The following BBIP1 variants were observed in gnomAD, a reference collection of about 807,000 sequenced individuals.
BBIP1 encodes the protein BBSome interacting protein 1.
Under a neutral mutation model 8.9 loss-of-function variants are expected in BBIP1, and 6 were observed. The ratio of observed to expected loss-of-function variants is 0.67; its 90% CI spans 0.37 to 1.33. The LOEUF is 1.33. Among genes scored for constraint, BBIP1 ranks in the 40% most tolerant of loss-of-function variants. The probability of loss-of-function intolerance (pLI) is 0.02; values close to 1 mark genes in which losing one functional copy is unlikely to be tolerated. For missense variants in BBIP1, 111 were observed against 109.2 expected (o/e 1.02, Z -0.07); for synonymous variants, 32 against 33.4 (o/e 0.96, Z 0.14).
At chr10:110,915,380 C>T (rs1846378462) in intron 2 of BBIP1, among the ~76,000 whole-genome samples, 1 of 152,046 alleles carries the variant, frequency 6.6e-6, no homozygotes, top group Non-Finnish European at 1.5e-5. Flanking sequence ...TCTCAAACTC[C>T]TGGGCTCAAG....
intron 2 of BBIP1, among the ~76,000 whole-genome samples, chr10:110,917,065 G>A (rs1846422507): frequency 6.6e-6 from 1 of 151,676 alleles, no homozygotes; most frequent in Non-Finnish European, 1.5e-5. Context: ...TTTACAAGAA[G>A]AAAAAAGAGG....
rs192379554 is a variant in BBIP1, at chr10:110,918,349, A to G, written c.-56-136T>C. The G allele has an allele frequency of 7.0e-4, 401 of 572,030 alleles. 1 individual carries two copies. The highest frequency in any genetic ancestry group is 7.0e-3 in the African/African-American group (369 of 52,728). The allele number at this position is 572,030 out of a possible 1,614,324, so 35.4% of individuals were successfully genotyped here. On this transcript the variant is annotated intron_variant, in intron 1 of 3. Transcript: ENST00000448814. ...CACCAGAACCGCAGTCAAAGCTTACAAAGACTCAAAGGAGAGACGCGGAAA... is the reference window on the plus strand; with the variant it reads ...CACCAGAACCGCAGTCAAAGCTTACGAAGACTCAAAGGAGAGACGCGGAAA...
rs922272308 is a variant in BBIP1, at chr10:110,910,120, TGAA to T, written c.37+7998_37+8000del. On this transcript the variant is annotated intron_variant, in intron 2 of 3. Transcript: ENST00000448814. ...AGGATAGGGGACAACGGGTGGTCTC[TGAA>T]GAAGAATTATTAAACATGACATTGG... is the stretch of plus-strand genomic sequence containing the variant. 5.3e-5 allele frequency among the ~76,000 whole-genome samples: 8 copies of T among 152,320 alleles called. No homozygotes were observed. In the East Asian group the frequency reaches 1.5e-3, roughly 29 times the overall value.
chr10:110,900,594 G>T, intron 3 of BBIP1, 68 bp from the exon 4 acceptor site: 2 of 1,305,822 alleles, frequency 1.5e-6, no homozygotes, highest in Non-Finnish European at 2.0e-6. Context: ...TGGATTTGCA[G>T]CTAGAATGAA....
intron 2 of BBIP1, chr10:110,907,107 G>A (rs1252273652): frequency 6.6e-6 from 1 of 152,218 alleles, no homozygotes; most frequent in East Asian, 1.9e-4. Flanking sequence ...TGAGTTACCA[G>A]TGTTTCCTTG....
intron 2 of BBIP1, among the ~76,000 whole-genome samples, chr10:110,910,276 G>A (rs546118441): frequency 2.0e-5 from 3 of 152,276 alleles, no homozygotes; most frequent in South Asian, 4.1e-4. Context: ...GTGTTCTGTC[G>A]GAGGACATGG....
Position 110,918,205 on chromosome 10 carries a change from CAGA to C in BBIP1, c.-51_-49del. On this transcript the variant is annotated 5_prime_UTR_variant, in exon 2 of 4. Coordinates refer to ENST00000448814, the MANE Select transcript of BBIP1 (RefSeq NM_001195305.3). ...ACTTAGAGTTCTTGACTCAAGCATA[CAGA>C]AGAAACTACAAGATAATGTATGATA... 6.9e-7 allele frequency: 1 copy of C among 1,448,790 alleles called. No homozygotes were observed. The highest frequency in any genetic ancestry group is 9.4e-7 in the Non-Finnish European group (1 of 1,067,962). The allele number at this position is 1,448,790 out of a possible 1,614,324, so 89.7% of individuals were successfully genotyped here. A position where few individuals can be genotyped will look rare whatever the true frequency, so the allele number is the denominator to read the frequency against.
At position 110,900,180 on chromosome 10, in the gene BBIP1, C is replaced by T; in HGVS notation, c.*180G>A. On this transcript the variant is annotated 3_prime_UTR_variant, in exon 4 of 4. Coordinates refer to ENST00000448814, the MANE Select transcript of BBIP1 (RefSeq NM_001195305.3). ...ATAGTTTAACTGTTTATGTTCAATACAAACCAGAGTGTTTACATTCACAAT... is the reference window on the plus strand; with the variant it reads ...ATAGTTTAACTGTTTATGTTCAATATAAACCAGAGTGTTTACATTCACAAT... The T allele has an allele frequency of 1.6e-6, 1 of 621,802 alleles. No individual in the cohort carries two copies. Among genetic ancestry groups the T allele is most frequent in the Middle Eastern group, 4.5e-4 (1 of 2,198 alleles). The allele number at this position is 621,802 out of a possible 1,614,324, so 38.5% of individuals were successfully genotyped here. A position where few individuals can be genotyped will look rare whatever the true frequency, so the allele number is the denominator to read the frequency against.
intron 3 of BBIP1, chr10:110,900,841 CA>C (rs886115391): frequency 2.3e-5 from 6 of 264,856 alleles, no homozygotes; most frequent in East Asian, 9.6e-5. Context: ...ATACATAGTG[CA>C]AAAAAATATA....
At chr10:110,902,794 G>T (rs754270734) in intron 2 of BBIP1, 3 of 152,172 alleles carry the variant, frequency 2.0e-5, no homozygotes, top group Non-Finnish European at 2.9e-5. Flanking sequence ...AATGGACCAG[G>T]AATAAAGCAA....
At chr10:110,901,015 G>A (rs1845984561) in intron 3 of BBIP1, 1 of 335,502 alleles carries the variant, frequency 3.0e-6, no homozygotes, top group Non-Finnish European at 5.8e-6. Flanking sequence ...GTAGGGCATG[G>A]TAGCTCTTAC....
At position 110,900,301 on chromosome 10, in the gene BBIP1, T is replaced by G; in HGVS notation, c.*59A>C. ...ACTTTCAGCACACAGAAGCATATTT[T>G]CTAGTTATTGTTAAATAGTAGATAA... On this transcript the variant is annotated 3_prime_UTR_variant, in exon 4 of 4. Transcript: ENST00000448814. 7.0e-7 allele frequency: 1 copy of G among 1,423,090 alleles called. No homozygotes were observed. The allele number at this position is 1,423,090 out of a possible 1,614,324, so 88.2% of individuals were successfully genotyped here.
At chr10:110,905,753 A>G (rs76211025) in intron 2 of BBIP1, among the ~76,000 whole-genome samples, 4,969 of 152,268 alleles carry the variant, frequency 0.033, 131 homozygotes, top group South Asian at 0.1. Flanking sequence ...CACTTCATAC[A>G]CTGATGTTTA....
At chr10:110,919,261 A>G (rs1188766554), upstream of BBIP1, 9 of 261,094 alleles carry the variant, frequency 3.4e-5, no homozygotes, top group Non-Finnish European at 6.5e-5. Flanking sequence ...CTTAGCTTCA[A>G]CAGTAACTTC....
chr10:110,903,150 A>C (rs1846046259), intron 2 of BBIP1: 1 of 152,236 alleles, frequency 6.6e-6, no homozygotes, highest in Non-Finnish European at 1.5e-5. Context: ...ATAGGAGCTA[A>C]GGATTTTTAT....
rs947583346 is a variant in BBIP1 at position 110,914,341 on chromosome 10, G to A, written c.37+3780C>T. On this transcript the variant is annotated intron_variant, in intron 2 of 3. Coordinates refer to ENST00000448814, the MANE Select transcript of BBIP1 (RefSeq NM_001195305.3). ...CTGCCTAGTGTGGGGGTTCTGAGAG[G>A]GGGTGGTGAGAATGGTAGAATAACA... 2.6e-5 allele frequency among the ~76,000 whole-genome samples: 4 copies of A among 151,840 alleles called. No individual in the cohort carries two copies. The South Asian group carries it at 8.3e-4, about 32-fold the overall frequency.
At chr10:110,904,053 T>G (rs1257489867) in intron 2 of BBIP1, 2 of 152,212 alleles carry the variant, frequency 1.3e-5, no homozygotes, top group Non-Finnish European at 2.9e-5. Flanking sequence ...CCACACGGCC[T>G]GCTAATAGCC....
At chr10:110,906,059 G>C (rs1226466439) in intron 2 of BBIP1, among the ~76,000 whole-genome samples, 2 of 147,032 alleles carry the variant, frequency 1.4e-5, no homozygotes, top group African/African-American at 5.1e-5. Context: ...CTGGAGAGCA[G>C]TGGCGCGATC....
At chr10:110,901,221 GGTGAGCTACGGTT>G (rs1845991607) in intron 3 of BBIP1, 1 of 408,184 alleles carries the variant, frequency 2.4e-6, no homozygotes. Context: ...TCAAGGCTGC[GGTGAGCTACGGTT>G]GTGCCAGCTG....
Sources: gnomAD v4.1 joint callset for allele counts (sites outside exome capture counted in the v4.1 genomes callset) on GRCh38, gnomAD v4.1.1 for gene constraint, MANE v1.5 for transcripts, NCBI Gene and HGNC (gene_info 2026-07-23, HGNC 2026-07-21) for gene names.